The following TMEM260 variants were observed in gnomAD, a reference collection of about 807,000 sequenced individuals.
TMEM260 encodes the protein protein O-mannosyl-transferase TMEM260.
Under a neutral mutation model 88.9 loss-of-function variants are expected in TMEM260, and 82 were observed. The observed-to-expected ratio is 0.92, with a 90% CI of 0.77 to 1.11. The LOEUF (loss-of-function observed/expected upper bound fraction) is 1.11, where lower values mean the gene tolerates loss of function less well. Ranked by LOEUF, TMEM260 falls within the 50% of genes least tolerant of loss-of-function variation. The pLI is 0.00. For missense variants in TMEM260, 902 were observed against 853.4 expected (o/e 1.06, Z -0.71); for synonymous variants, 314 against 309.3 (o/e 1.02, Z -0.16).
chr14:56,650,304 G>A (rs984078831), downstream of TMEM260: 24 of 300,186 alleles, frequency 8.0e-5, no homozygotes, highest in South Asian at 4.0e-4. Context: ...CTCCACATGC[G>A]TCAGGGCCCT....
At chr14:56,652,354 A>C (rs772436599), downstream of TMEM260, among the ~76,000 whole-genome samples, 2 of 151,942 alleles carry the variant, frequency 1.3e-5, no homozygotes, top group Non-Finnish European at 2.9e-5. Context: ...AAAAATTAGC[A>C]GGGCAAGGTG....
chr14:56,629,618 A>G (rs1394994355), intron 12 of TMEM260, among the ~76,000 whole-genome samples: 5 of 152,190 alleles, frequency 3.3e-5, no homozygotes, highest in African/African-American at 9.6e-5. Flanking sequence ...TTAAACCAAA[A>G]CTATTAGCCG....
chr14:56,629,858 G>A lies in TMEM260; in HGVS notation c.1548-3137G>A, dbSNP rs766251545. On this transcript the variant is annotated intron_variant, in intron 12 of 15. Transcript: ENST00000261556. Reference sequence around the variant, plus strand: ...AAGACCAACCTTGACTACATAGGGAGACCCTGTCGCTACAAAAAAATAAAA... The same window carrying A: ...AAGACCAACCTTGACTACATAGGGAAACCCTGTCGCTACAAAAAAATAAAA... Among the ~76,000 whole-genome samples, 101 of 151,788 alleles carry A rather than the reference G, an allele frequency of 6.7e-4. 1 individual carries two copies. The highest frequency in any genetic ancestry group is 1.2e-3 in the Non-Finnish European group (82 of 68,000).
chr14:56,656,939 C>G, the TMEM260 span, among the ~76,000 whole-genome samples: 3 of 152,242 alleles, frequency 2.0e-5, no homozygotes, highest in South Asian at 6.2e-4. Flanking sequence ...TCACGAGACC[C>G]CATTACCATG....
chr14:56,649,730 T>G (rs10148801), downstream of TMEM260, among the ~76,000 whole-genome samples: 6,219 of 152,208 alleles, frequency 0.041, 205 homozygotes, highest in Middle Eastern at 0.13. Context: ...TGTAAAAATT[T>G]TTTAAATATG....
chr14:56,649,583 T>G (rs1890155397), downstream of TMEM260: 1 of 152,632 alleles, frequency 6.6e-6, no homozygotes, highest in African/African-American at 2.4e-5. Flanking sequence ...TTTCTGAACA[T>G]CTATACACAG....
chr14:56,658,773 C>T, the TMEM260 span, among the ~76,000 whole-genome samples: 9 of 152,182 alleles, frequency 5.9e-5, no homozygotes, highest in Non-Finnish European at 1.3e-4. Context: ...CTCTGCCACC[C>T]AGGCTGGAGT....
Position 56,647,388 on chromosome 14 carries a change from G to T in TMEM260, c.2015G>T (p.Arg672Leu), listed in dbSNP as rs148158150. ...TTATCGGAAACCATCAGACATTTCC[G>T]TCTGTACTCTCAGAAAGCACCGAAT... ...VLLSETIRHF[R>L]LYSQKAPNDP... is the part of the protein sequence containing the mutation. The change falls in exon 16 of 16, where the codon CGT (arginine) becomes CTT (leucine). Residue 672 changes from arginine to leucine, a missense_variant. By Grantham distance (102) the Arg-to-Leu change is moderately radical. Transcript: ENST00000261556. 3.7e-6 allele frequency: 6 copies of T among 1,614,152 alleles called. No homozygotes were observed. Among genetic ancestry groups the T allele is most frequent in the Non-Finnish European group, 5.1e-6 (6 of 1,180,034 alleles).
chr14:56,656,359 C>T, the TMEM260 span, among the ~76,000 whole-genome samples: 1 of 152,048 alleles, frequency 6.6e-6, no homozygotes, highest in Non-Finnish European at 1.5e-5. Flanking sequence ...GTTGAGGCTG[C>T]AGTGAGCTGT....
downstream of TMEM260, among the ~76,000 whole-genome samples, chr14:56,652,027 T>A (rs1401678034): frequency 6.6e-6 from 1 of 152,228 alleles, no homozygotes; most frequent in East Asian, 1.9e-4. Context: ...CCTTAGATAG[T>A]TGAACTGTTG....
chr14:56,661,127 C>T, the TMEM260 span, among the ~76,000 whole-genome samples: 1 of 152,196 alleles, frequency 6.6e-6, no homozygotes, highest in Non-Finnish European at 1.5e-5. Flanking sequence ...TGTCAGGTGG[C>T]TGCAGGAGGC....
At chr14:56,645,504 T>G (rs1395596110) in intron 15 of TMEM260, among the ~76,000 whole-genome samples, 11 of 118,108 alleles carry the variant, frequency 9.3e-5, no homozygotes, top group Admixed American at 3.0e-4. Flanking sequence ...GGGGTGGGGG[T>G]AGGGGGGAGG....
At chr14:56,635,564 T>C (rs924109987) in intron 14 of TMEM260, among the ~76,000 whole-genome samples, 5 of 152,228 alleles carry the variant, frequency 3.3e-5, no homozygotes, top group African/African-American at 4.8e-5. Context: ...GAACATTTCA[T>C]AGTGATGGCA....
intron 13 of TMEM260, 36 bp from the exon 14 acceptor site, chr14:56,634,863 T>A (rs777803225): frequency 2.0e-6 from 3 of 1,506,380 alleles, no homozygotes; most frequent in Admixed American, 2.0e-5. Context: ...AAAAAGTGGG[T>A]GACAGAAAGA....
chr14:56,590,835 TG>T (rs934367283), intron 3 of TMEM260, among the ~76,000 whole-genome samples: 5 of 152,204 alleles, frequency 3.3e-5, no homozygotes, highest in African/African-American at 1.2e-4. Context: ...CCATGGAGCT[TG>T]GAGCTGTCAC....
intron 3 of TMEM260, among the ~76,000 whole-genome samples, chr14:56,597,196 C>A (rs1487661826): frequency 6.6e-6 from 1 of 152,114 alleles, no homozygotes; most frequent in Non-Finnish European, 1.5e-5. Context: ...ATCAAAAAAT[C>A]CGAAATCTAG....
At chr14:56,610,943 ATTCTT>A (rs1887222103) in intron 6 of TMEM260, among the ~76,000 whole-genome samples, 1 of 150,238 alleles carries the variant, frequency 6.7e-6, no homozygotes, top group Non-Finnish European at 1.5e-5. Context: ...CTAGCCAAAT[ATTCTT>A]TTCTTTCTTT....
intron 3 of TMEM260, 144 bp from the exon 4 acceptor site, chr14:56,603,669 TTA>T (rs1404913712): frequency 2.6e-6 from 2 of 766,744 alleles, no homozygotes; most frequent in Non-Finnish European, 4.2e-6. Flanking sequence ...AAGGAAATTA[TTA>T]TATGAGTTAA....
chr14:56,629,271 G>T (rs1424373619), intron 12 of TMEM260, among the ~76,000 whole-genome samples: 23 of 137,454 alleles, frequency 1.7e-4, no homozygotes, highest in South Asian at 2.3e-4. Flanking sequence ...TGTTTTTGTT[G>T]TTTTTTTTTT....
Sources: allele counts gnomAD v4.1 joint callset (sites outside exome capture counted in the v4.1 genomes callset), GRCh38; gene constraint gnomAD v4.1.1; transcripts MANE v1.5; gene names NCBI Gene and HGNC (gene_info 2026-07-23, HGNC 2026-07-21).